Variants in KLHL1 observed in about 807,000 individuals in gnomAD.
The protein encoded by KLHL1 is kelch-like protein 1.
KLHL1 carries 47 observed loss-of-function variants against 77.7 expected under a neutral mutation model. The observed-to-expected ratio is 0.60, with a 90% CI of 0.48 to 0.77. The LOEUF (loss-of-function observed/expected upper bound fraction) is 0.77. Ranked by LOEUF, KLHL1 falls within the 30% of genes least tolerant of loss-of-function variation. KLHL1 has a pLI of 0.00. For missense variants in KLHL1, 925 were observed against 910.8 expected, an observed-to-expected ratio of 1.02 and a Z score of -0.20; for synonymous variants, 360 against 325.2, an observed-to-expected ratio of 1.11 and a Z score of -1.15.
chr13:69,751,525 A>G (rs1874479623), intron 7 of KLHL1, among the ~76,000 whole-genome samples: 2 of 152,014 alleles, frequency 1.3e-5, no homozygotes, highest in Admixed American at 1.3e-4. Flanking sequence ...CAGAAGAAAC[A>G]CTCGTGTTGT....
intron 7 of KLHL1, among the ~76,000 whole-genome samples, chr13:69,752,041 T>C (rs777335380): frequency 6.6e-5 from 10 of 152,148 alleles, no homozygotes; most frequent in Non-Finnish European, 1.3e-4. Context: ...GTTTCTTATC[T>C]GCACAATGGA....
intron 8 of KLHL1, among the ~76,000 whole-genome samples, chr13:69,738,934 C>G (rs1411617946): frequency 2.6e-5 from 4 of 151,998 alleles, no homozygotes; most frequent in South Asian, 2.1e-4. Flanking sequence ...AAGACCAACC[C>G]CTAGACACAT....
intron 6 of KLHL1, among the ~76,000 whole-genome samples, chr13:69,833,462 C>T (rs1406163613): frequency 6.6e-6 from 1 of 151,414 alleles, no homozygotes; most frequent in Admixed American, 6.6e-5. Flanking sequence ...AAATAGATGT[C>T]GACAAGGATG....
intron 2 of KLHL1, among the ~76,000 whole-genome samples, chr13:69,970,601 A>G (rs1274039657): frequency 6.6e-6 from 1 of 151,960 alleles, no homozygotes; most frequent in Non-Finnish European, 1.5e-5. Context: ...TGCTTCTCAC[A>G]CTTTATCCTT....
At chr13:70,051,408 T>C (rs1886626997) in intron 1 of KLHL1, among the ~76,000 whole-genome samples, 2 of 152,022 alleles carry the variant, frequency 1.3e-5, no homozygotes, top group African/African-American at 4.8e-5. Flanking sequence ...CAGAAAATCT[T>C]AGTGTTATTC....
intron 10 of KLHL1, among the ~76,000 whole-genome samples, chr13:69,706,143 A>G (rs1875615717): frequency 6.6e-6 from 1 of 150,398 alleles, no homozygotes; most frequent in African/African-American, 2.4e-5. Flanking sequence ...AGCAATCATT[A>G]CTTGCTTTTA....
intron 4 of KLHL1, among the ~76,000 whole-genome samples, chr13:69,937,662 C>T (rs978171438): frequency 6.6e-6 from 1 of 152,058 alleles, no homozygotes; most frequent in Non-Finnish European, 1.5e-5. Context: ...ATGCTGAGCT[C>T]GCAATCAAAA....
intron 4 of KLHL1, among the ~76,000 whole-genome samples, chr13:69,919,042 T>C (rs1261401401): frequency 1.3e-5 from 2 of 152,192 alleles, no homozygotes; most frequent in African/African-American, 4.8e-5. Context: ...GTTGTATGTA[T>C]CTGAAAGATG....
chr13:70,042,645 A>G (rs1886404187), intron 1 of KLHL1, among the ~76,000 whole-genome samples: 1 of 152,230 alleles, frequency 6.6e-6, no homozygotes, highest in East Asian at 1.9e-4. Context: ...ATACTTGATA[A>G]TTATAATCAA....
chr13:70,043,580 T>A (rs990074568), intron 1 of KLHL1, among the ~76,000 whole-genome samples: 11 of 152,138 alleles, frequency 7.2e-5, no homozygotes, highest in Non-Finnish European at 1.5e-4. Context: ...TCTATACAGG[T>A]ATACCATTTT....
intron 1 of KLHL1, among the ~76,000 whole-genome samples, chr13:70,057,632 C>T (rs1453472936): frequency 2.7e-5 from 4 of 149,656 alleles, no homozygotes; most frequent in Non-Finnish European, 1.5e-5. Context: ...AAAAATTAGC[C>T]GGGTGCGGTG....
At chr13:70,038,167 C>G (rs1593694381) in intron 1 of KLHL1, among the ~76,000 whole-genome samples, 1 of 152,096 alleles carries the variant, frequency 6.6e-6, no homozygotes, top group African/African-American at 2.4e-5. Context: ...GTAAAGTGAC[C>G]TTTGAGATTT....
intron 1 of KLHL1, among the ~76,000 whole-genome samples, chr13:70,086,907 G>A (rs1298858409): frequency 1.3e-5 from 2 of 152,092 alleles, no homozygotes; most frequent in African/African-American, 4.8e-5. Context: ...TATAGGAAGA[G>A]CAAGAGATGA....
chr13:69,872,460 A>C (rs542695654), intron 5 of KLHL1, among the ~76,000 whole-genome samples: 7 of 152,224 alleles, frequency 4.6e-5, no homozygotes, highest in African/African-American at 1.7e-4. Context: ...TACCATGCCA[A>C]AGTCTCCACC....
At chr13:69,757,753 A>C (rs1231339576) in intron 7 of KLHL1, among the ~76,000 whole-genome samples, 1 of 151,914 alleles carries the variant, frequency 6.6e-6, no homozygotes, top group Non-Finnish European at 1.5e-5. Context: ...GGAGTTTAAG[A>C]CCAGCCTGGC....
At chr13:70,055,356 T>A (rs1886720848) in intron 1 of KLHL1, among the ~76,000 whole-genome samples, 1 of 152,016 alleles carries the variant, frequency 6.6e-6, no homozygotes, top group Admixed American at 6.6e-5. Flanking sequence ...AAATAAGGAC[T>A]TTTCCAGACA....
At chr13:69,794,659 A>G (rs1010835284) in intron 7 of KLHL1, among the ~76,000 whole-genome samples, 1 of 152,076 alleles carries the variant, frequency 6.6e-6, no homozygotes, top group Non-Finnish European at 1.5e-5. Context: ...TAGGAACAGT[A>G]CGTAGCCTAA....
At chr13:69,799,484 T>C (rs563207396) in intron 6 of KLHL1, among the ~76,000 whole-genome samples, 2 of 152,342 alleles carry the variant, frequency 1.3e-5, no homozygotes, top group East Asian at 3.9e-4. Context: ...TTTACAGTTT[T>C]TCCTGTAACT....
At chr13:69,796,064 G>A (rs551726118) in intron 7 of KLHL1, among the ~76,000 whole-genome samples, 17 of 152,120 alleles carry the variant, frequency 1.1e-4, no homozygotes, top group East Asian at 5.8e-4. Flanking sequence ...TGTACATATC[G>A]TATGATCTTT....
Sources: gnomAD v4.1 joint callset for allele counts (sites outside exome capture counted in the v4.1 genomes callset) on GRCh38, gnomAD v4.1.1 for gene constraint, MANE v1.5 for transcripts, NCBI Gene and HGNC (gene_info 2026-07-23, HGNC 2026-07-21) for gene names.